RALGDS: variants seen among roughly 807,000 people sequenced by gnomAD.
The protein encoded by RALGDS is ral guanine nucleotide dissociation stimulator, also known as ral guanine nucleotide exchange factor.
A neutral mutation model predicts 99.8 loss-of-function variants in RALGDS; 44 were observed. That is an observed-to-expected ratio of 0.44 (90% CI 0.35 to 0.57). RALGDS has a LOEUF of 0.57. Among genes scored for constraint, RALGDS ranks in the 20% least tolerant of loss-of-function variants. The pLI, the probability that RALGDS is intolerant of heterozygous loss-of-function variation, is 0.01. For synonymous variants in RALGDS, 529 were observed against 505.0 expected (o/e 1.05, Z -0.64); for missense variants, 1,022 against 1,203.1 (o/e 0.85, Z 2.23).
At chr9:133,140,675 G>A (rs1832504256) in intron 1 of RALGDS, among the ~76,000 whole-genome samples, 1 of 152,032 alleles carries the variant, frequency 6.6e-6, no homozygotes, top group Non-Finnish European at 1.5e-5. Flanking sequence ...CAACGTGGGG[G>A]AGGGGGTGGG....
chr9:133,098,330 C>T lies in RALGDS; in HGVS notation c.*257G>A. ...CAGGGCACCATGCCATGCCCGTTGG[C>T]ACTGCTCCTTGGCAAAAGTCAGCTA... On this transcript the variant is annotated 3_prime_UTR_variant, in exon 18 of 18. Coordinates refer to ENST00000372050, the MANE Select transcript of RALGDS (RefSeq NM_006266.4). 1 of 538,976 alleles carries T rather than the reference C, an allele frequency of 1.9e-6. No homozygotes were observed. 33.4% of individuals were successfully genotyped at this position (538,976 alleles called of 1,614,324 possible). A position where few individuals can be genotyped will look rare whatever the true frequency, so the allele number is the denominator to read the frequency against.
At chr9:133,108,618 C>T (rs1831190367) in intron 5 of RALGDS, 55 bp downstream of exon 5, 1 of 1,600,140 alleles carries the variant, frequency 6.2e-7, no homozygotes, top group Non-Finnish European at 8.5e-7. Context: ...CTTCGTGTGG[C>T]CCAGCACCGA....
Position 133,101,539 on chromosome 9 carries a change from T to C in RALGDS, c.2435A>G (p.Asn812Ser). 6.2e-7 allele frequency: 1 copy of C among 1,612,358 alleles called. No individual in the cohort carries two copies. The highest frequency in any genetic ancestry group is 8.5e-7 in the Non-Finnish European group (1 of 1,180,022). The change falls in exon 16 of 18, where the codon AAC (asparagine) becomes AGC (serine). Residue 812 changes from asparagine to serine, a missense_variant. By Grantham distance (46) the Asn-to-Ser change is conservative (BLOSUM62 1). Coordinates refer to ENST00000372050, the MANE Select transcript of RALGDS (RefSeq NM_006266.4). ...IRVSLDVDNG[N>S]MYKSILVTSQ... ...GCTTACCAGGATGCTCTTGTACATG[T>C]TGCCATTGTCCACGTCCAGGCTGAC... is the stretch of plus-strand genomic sequence containing the variant.
intron 1 of RALGDS, among the ~76,000 whole-genome samples, chr9:133,126,871 T>C (rs1052934602): frequency 6.6e-6 from 1 of 152,166 alleles, no homozygotes; most frequent in African/African-American, 2.4e-5. Flanking sequence ...CTGTCTCGTT[T>C]AGGGAAAAGG....
chr9:133,112,906 T>C (rs549926737), intron 1 of RALGDS, among the ~76,000 whole-genome samples: 7 of 152,168 alleles, frequency 4.6e-5, no homozygotes, highest in Non-Finnish European at 8.8e-5. Context: ...GTGACGGTGC[T>C]GGTATCCAGG....
Position 133,108,234 on chromosome 9 carries a change from CTGCTGGAGCTCCGGAGCTGG to C in RALGDS, c.931_950del (p.Pro311GlyfsTer60). 7 of 1,610,106 alleles carry C rather than the reference CTGCTGGAGCTCCGGAGCTGG, an allele frequency of 4.3e-6. No homozygotes were observed. The highest frequency in any genetic ancestry group is 5.9e-6 in the Non-Finnish European group (7 of 1,178,376). ...CTAGTCCCACAGCTGGCTCTGGAGC[CTGCTGGAGCTCCGGAGCTGG>C]TGCTGGAGCTACTTCTAGCTCTGAA... On this transcript the variant is annotated frameshift_variant, in exon 6 of 18. Coordinates refer to ENST00000372050, the MANE Select transcript of RALGDS (RefSeq NM_006266.4). LOFTEE classifies it high-confidence loss of function.
intron 1 of RALGDS, chr9:133,130,831 G>T: frequency 2.1e-6 from 2 of 970,436 alleles, no homozygotes; most frequent in Non-Finnish European, 3.0e-6. Context: ...CAGCTGCTCT[G>T]CAAAGCTTGC....
chr9:133,132,708 C>T (rs190535042), upstream of RALGDS, among the ~76,000 whole-genome samples: 213 of 152,074 alleles, frequency 1.4e-3, no homozygotes, highest in African/African-American at 4.4e-3. Flanking sequence ...GGCGCCATCT[C>T]GGCTCACTGC....
Position 133,097,934 on chromosome 9 carries a change from T to C in RALGDS, c.*653A>G. 4.3e-6 allele frequency: 1 copy of C among 230,430 alleles called. No individual in the cohort carries two copies. The highest frequency in any genetic ancestry group is 8.6e-6 in the Non-Finnish European group (1 of 116,590). The allele number at this position is 230,430 out of a possible 1,614,324, so 14.3% of individuals were successfully genotyped here. ...GTAAAGCCCAGGACGCAGTGGTGAATGGCACTTGCAGTGGCATGAGATTCA... is the reference window on the plus strand; with the variant it reads ...GTAAAGCCCAGGACGCAGTGGTGAACGGCACTTGCAGTGGCATGAGATTCA... On this transcript the variant is annotated 3_prime_UTR_variant, in exon 18 of 18. Transcript: ENST00000372050.
chr9:133,130,758 G>A (rs1376876093), intron 1 of RALGDS, among the ~76,000 whole-genome samples: 1 of 152,180 alleles, frequency 6.6e-6, no homozygotes, highest in Non-Finnish European at 1.5e-5. Context: ...TCTGACAAGT[G>A]GAAAGACTGA....
chr9:133,117,690 A>C (rs1428283995), intron 1 of RALGDS, among the ~76,000 whole-genome samples: 1 of 152,252 alleles, frequency 6.6e-6, no homozygotes, highest in Non-Finnish European at 1.5e-5. Flanking sequence ...ATCTGGGAAC[A>C]CAGTGATTCT....
intron 1 of RALGDS, among the ~76,000 whole-genome samples, chr9:133,119,266 C>T (rs1363052859): frequency 6.6e-6 from 1 of 152,168 alleles, no homozygotes; most frequent in Non-Finnish European, 1.5e-5. Context: ...GGAAACCAGC[C>T]CCAGGACGGG....
At chr9:133,104,498 C>G in intron 9 of RALGDS, 167 bp from the exon 10 acceptor site, 1 of 656,944 alleles carries the variant, frequency 1.5e-6, no homozygotes, top group African/African-American at 1.8e-5. Context: ...CTGCCTCCCC[C>G]TCTGGAAAGT....
At chr9:133,143,918 G>C (rs889411508) in intron 1 of RALGDS, among the ~76,000 whole-genome samples, 1 of 151,634 alleles carries the variant, frequency 6.6e-6, no homozygotes, top group Non-Finnish European at 1.5e-5. Flanking sequence ...GCTCCATGGC[G>C]GGGACCTGAC....
chr9:133,104,059 C>T (rs1011544895), intron 10 of RALGDS, among the ~76,000 whole-genome samples: 5 of 152,210 alleles, frequency 3.3e-5, no homozygotes, highest in African/African-American at 4.8e-5. Context: ...GCCCCACACC[C>T]GCCTGAGCCG....
chr9:133,121,444 G>C (rs1831944329), upstream of RALGDS, among the ~76,000 whole-genome samples: 1 of 152,160 alleles, frequency 6.6e-6, no homozygotes, highest in Non-Finnish European at 1.5e-5. Flanking sequence ...GCGGGGCCGG[G>C]GAGGTCGAGG....
chr9:133,136,348 T>G (rs1292359931), intron 1 of RALGDS, among the ~76,000 whole-genome samples: 1 of 152,148 alleles, frequency 6.6e-6, no homozygotes, highest in African/African-American at 2.4e-5. Context: ...ATTAAAACAT[T>G]TCACCTTGGC....
Position 133,104,807 on chromosome 9 carries a change from T to C in RALGDS, c.1603-476A>G, listed in dbSNP as rs150450109. On this transcript the variant is annotated intron_variant, in intron 9 of 17. Transcript: ENST00000372050. ...AGCCTGGGAGACAGAGCGAGACTCC[T>C]TCTCTAAACAAATAAAAAAACTCCA... 7.9e-5 allele frequency among the ~76,000 whole-genome samples: 12 copies of C among 152,206 alleles called. No homozygotes were observed. In the East Asian group the frequency reaches 2.3e-3, roughly 29 times the overall value.
At position 133,098,608 on chromosome 9, in the gene RALGDS, C is replaced by A; in HGVS notation, c.2724G>T (p.Lys908Asn). Residue 908 changes from lysine (K) to asparagine (N), a missense_variant, in exon 18 of 18, where the codon AAG becomes AAT. Lys to Asn is a moderately conservative substitution (Grantham distance 94, BLOSUM62 0). This residue lies in a region of RALGDS where 825 missense variants were observed against 994.5 expected (regional missense o/e 0.83). Coordinates refer to ENST00000372050, the MANE Select transcript of RALGDS (RefSeq NM_006266.4). Reference protein sequence around the residue: ...TLPRMKQKGLKIAKGIF With the variant: ...TLPRMKQKGLNIAKGIF Reference sequence around the variant, plus strand: ...GCCCTCAGAAGATGCCCTTGGCAATCTTGAGTCCTTTCTGCTTCATGCGAG... The same window carrying A: ...GCCCTCAGAAGATGCCCTTGGCAATATTGAGTCCTTTCTGCTTCATGCGAG... 1 of 1,614,204 alleles carries A rather than the reference C, an allele frequency of 6.2e-7. No individual in the cohort carries two copies. Among genetic ancestry groups the A allele is most frequent in the East Asian group, 2.2e-5 (1 of 44,874 alleles).
Sources: gnomAD v4.1 joint callset for allele counts (sites outside exome capture counted in the v4.1 genomes callset) on GRCh38, gnomAD v4.1.1 for gene constraint, gnomAD v4.1.1 regional missense constraint, MANE v1.5 for transcripts, NCBI Gene and HGNC (gene_info 2026-07-23, HGNC 2026-07-21) for gene names.